The following LRRC53 variants were observed in gnomAD, a reference collection of about 807,000 sequenced individuals.
LRRC53 encodes leucine-rich repeat-containing protein 53.
A neutral mutation model predicts 13.6 loss-of-function variants in LRRC53; 25 were observed. The ratio of observed to expected loss-of-function variants is 1.83; its 90% CI spans 1.34 to 2.56. LRRC53 has a LOEUF of 2.56. Ranked by LOEUF, LRRC53 falls within the 30% of genes most tolerant of loss-of-function variation. The probability of loss-of-function intolerance (pLI) is 0.00; values close to 1 mark genes in which losing one functional copy is unlikely to be tolerated. For synonymous variants in LRRC53, 204 were observed against 109.8 expected, an observed-to-expected ratio of 1.86 and a Z score of -5.37; for missense variants, 527 against 275.8, an observed-to-expected ratio of 1.91 and a Z score of -6.45.
chr1:74,529,841 C>T, the LRRC53 span, among the ~76,000 whole-genome samples: 1 of 152,226 alleles, frequency 6.6e-6, no homozygotes, highest in East Asian at 1.9e-4. Flanking sequence ...CCCTGCTTTG[C>T]TCTCTCCCTG....
intron 1 of LRRC53, among the ~76,000 whole-genome samples, chr1:74,489,781 C>T (rs45601136): frequency 0.023 from 3,569 of 152,136 alleles, 133 homozygotes; most frequent in African/African-American, 0.081. Context: ...AGTTTCTCTA[C>T]AATTGCCTTA....
the LRRC53 span, among the ~76,000 whole-genome samples, chr1:74,531,292 A>G: frequency 6.6e-6 from 1 of 152,240 alleles, no homozygotes; most frequent in Non-Finnish European, 1.5e-5. Context: ...AAACAAAATA[A>G]TGCTTTGAAA....
the LRRC53 span, among the ~76,000 whole-genome samples, chr1:74,517,716 C>T: frequency 2.9e-4 from 44 of 151,888 alleles, no homozygotes; most frequent in African/African-American, 8.9e-4. Flanking sequence ...ACTGGTAAAC[C>T]GAAAAAGGAT....
At chr1:74,487,599 G>A (rs1644387995) in intron 1 of LRRC53, among the ~76,000 whole-genome samples, 1 of 152,018 alleles carries the variant, frequency 6.6e-6, no homozygotes, top group African/African-American at 2.4e-5. Flanking sequence ...ATAGTTGGAA[G>A]TGAATCTAAT....
the LRRC53 span, among the ~76,000 whole-genome samples, chr1:74,529,650 A>G: frequency 6.6e-6 from 1 of 152,214 alleles, no homozygotes; most frequent in Non-Finnish European, 1.5e-5. Flanking sequence ...GAAATACACT[A>G]AAGTATTTGG....
rs191907945 is a variant in LRRC53, at chr1:74,492,915, G to A, written c.-26-9540C>T. On this transcript the variant is annotated intron_variant, in intron 1 of 4. Coordinates refer to ENST00000294635, the MANE Select transcript of LRRC53 (RefSeq NM_001382280.1). ...TTCAGCATGGTTGAGGTTCTGGTGC[G>A]GGTTCTCTTCCTGTTTTCTAGAAAT... Among the ~76,000 whole-genome samples, 80 of 152,264 alleles carry A rather than the reference G, an allele frequency of 5.3e-4. 2 individuals carry two copies. The highest frequency in any genetic ancestry group is 1.6e-3 in the African/African-American group (68 of 41,562).
chr1:74,474,571 A>G (rs767090643), intron 4 of LRRC53, among the ~76,000 whole-genome samples: 8 of 152,178 alleles, frequency 5.3e-5, no homozygotes, highest in Non-Finnish European at 7.4e-5. Context: ...ATTCAAATAA[A>G]TGACAGGAAC....
the LRRC53 span, among the ~76,000 whole-genome samples, chr1:74,525,924 A>G: frequency 6.6e-6 from 1 of 152,220 alleles, no homozygotes; most frequent in Non-Finnish European, 1.5e-5. Flanking sequence ...AAGGCACCCC[A>G]GCTACATAAT....
chr1:74,483,505 A>T, intron 1 of LRRC53, 130 bp from the exon 2 acceptor site: 1 of 521,070 alleles, frequency 1.9e-6, no homozygotes, highest in Non-Finnish European at 3.5e-6. Context: ...TTCTCTTAAG[A>T]TGCCAGGTAA....
rs1249509769 is a variant in LRRC53, at chr1:74,475,504, T to A, written c.1211A>T (p.Lys404Met). The change falls in exon 4 of 5, where the codon AAG becomes ATG. Residue 404 changes from lysine (K) to methionine (M), a missense_variant. Physicochemically the swap from Lys to Met is moderately conservative, Grantham distance 95 (BLOSUM62 -1). Transcript: ENST00000294635. ...AGTGCTGCCTACCCCACGGTCTTTC[T>A]TTTTCAGGTTTCTAAATGATCCGTC... Reference protein sequence around the residue: ...TLDGSFRNLKKKDRGVGSTLF... With the variant: ...TLDGSFRNLKMKDRGVGSTLF... 7 of 716,886 alleles carry A rather than the reference T, an allele frequency of 9.8e-6. 1 individual carries two copies. The South Asian group carries it at 1.0e-4, about 11-fold the overall frequency. The allele number at this position is 716,886 out of a possible 1,614,324, so 44.4% of individuals were successfully genotyped here.
intron 1 of LRRC53, chr1:74,489,234 CT>C (rs1237634783): frequency 6.2e-7 from 1 of 1,611,824 alleles, no homozygotes; most frequent in Non-Finnish European, 8.5e-7. Context: ...AGAAGAGTGT[CT>C]CTGCAACATT....
chr1:74,484,421 G>A (rs1216951642), intron 1 of LRRC53, among the ~76,000 whole-genome samples: 1 of 152,158 alleles, frequency 6.6e-6, no homozygotes, highest in African/African-American at 2.4e-5. Context: ...CCCTTGTGAA[G>A]TGTACTTTCT....
intron 1 of LRRC53, chr1:74,492,055 T>G (rs1269235340): frequency 1.4e-6 from 2 of 1,451,644 alleles, no homozygotes; most frequent in African/African-American, 2.8e-5. Flanking sequence ...TTCACACCTG[T>G]TGGAAGTATT....
the LRRC53 span, among the ~76,000 whole-genome samples, chr1:74,535,697 T>A: frequency 6.6e-6 from 1 of 152,252 alleles, no homozygotes; most frequent in Non-Finnish European, 1.5e-5. Context: ...AAATGCAGCA[T>A]TTTGTTTTAA....
At chr1:74,512,288 C>G (rs2100384821) in intron 1 of LRRC53, among the ~76,000 whole-genome samples, 1 of 152,264 alleles carries the variant, frequency 6.6e-6, no homozygotes, top group East Asian at 1.9e-4. Context: ...GACATAGACA[C>G]AGTAGAGCTC....
At chr1:74,475,890 A>G (rs1468995924) in intron 3 of LRRC53, 80 bp from the exon 4 acceptor site, 10 of 530,520 alleles carry the variant, frequency 1.9e-5, no homozygotes. Flanking sequence ...AACCACAAAT[A>G]TAAAGGTTAA....
chr1:74,518,876 T>C, the LRRC53 span, among the ~76,000 whole-genome samples: 9 of 20,980 alleles, frequency 4.3e-4, no homozygotes, highest in African/African-American at 1.5e-3. Flanking sequence ...TTTTTCCCCT[T>C]TTTTTTTTTT....
intron 1 of LRRC53, among the ~76,000 whole-genome samples, chr1:74,501,966 T>C (rs1408363668): frequency 6.6e-6 from 1 of 151,984 alleles, no homozygotes; most frequent in Non-Finnish European, 1.5e-5. Context: ...TTATGTAGAG[T>C]GAATTTTATT....
upstream of LRRC53, among the ~76,000 whole-genome samples, chr1:74,516,371 A>G (rs920931805): frequency 2.0e-5 from 3 of 152,194 alleles, no homozygotes; most frequent in Non-Finnish European, 4.4e-5. Context: ...AAAATAAGAC[A>G]TGGTTTCTGA....
Sources: allele counts gnomAD v4.1 joint callset (sites outside exome capture counted in the v4.1 genomes callset), GRCh38; gene constraint gnomAD v4.1.1; transcripts MANE v1.5; gene names NCBI Gene and HGNC (gene_info 2026-07-23, HGNC 2026-07-21).